GGA1: variants seen among roughly 807,000 people sequenced by gnomAD.
The protein encoded by GGA1 is golgi associated, gamma adaptin ear containing, ARF binding protein 1, also known as ADP-ribosylation factor-binding protein GGA1.
GGA1 carries 18 observed loss-of-function variants against 76.9 expected under a neutral mutation model. That is an observed-to-expected ratio of 0.23 (90% CI 0.16 to 0.35). The LOEUF is 0.35. Among genes scored for constraint, GGA1 ranks in the 10% least tolerant of loss-of-function variants. GGA1 has a pLI of 1.00. For synonymous variants in GGA1, 342 were observed against 354.7 expected, an observed-to-expected ratio of 0.96 and a Z score of 0.40; for missense variants, 755 against 859.0, an observed-to-expected ratio of 0.88 and a Z score of 1.51.
At chr22:37,621,839 AC>A in intron 7 of GGA1, 143 bp downstream of exon 7, 1 of 554,854 alleles carries the variant, frequency 1.8e-6, no homozygotes, top group Non-Finnish European at 3.2e-6. Flanking sequence ...ATGCTGGGGG[AC>A]CAGGGTGTGC....
At position 37,631,110 on chromosome 22, in the gene GGA1, C is replaced by G. The variant is rs1401439523; in HGVS notation, c.1528+11C>G. ...AGTCCATCAAACCCAGTGAGTAGGGCTGGGGCAGGTGCAGGCTGGGTTGGG... is the reference window on the plus strand; with the variant it reads ...AGTCCATCAAACCCAGTGAGTAGGGGTGGGGCAGGTGCAGGCTGGGTTGGG... On this transcript the variant is annotated intron_variant, in intron 14 of 16. Transcript: ENST00000343632. 2.6e-6 allele frequency: 4 copies of G among 1,547,876 alleles called. No homozygotes were observed. Among genetic ancestry groups the G allele is most frequent in the Admixed American group, 4.2e-5 (2 of 47,600 alleles).
chr22:37,609,080 C>G (rs956384658), intron 1 of GGA1, 177 bp downstream of exon 1: 6 of 1,491,340 alleles, frequency 4.0e-6, no homozygotes, highest in Admixed American at 4.4e-5. Flanking sequence ...GGACCCCGGC[C>G]CCGGCGCGGT....
chr22:37,630,726 C>G, intron 13 of GGA1, 177 bp from the exon 14 acceptor site: 1 of 581,058 alleles, frequency 1.7e-6, no homozygotes, highest in South Asian at 2.1e-5. Context: ...GCTACCACGC[C>G]CAGCTAGTTT....
chr22:37,628,728 C>G (rs1454229608), intron 11 of GGA1, among the ~76,000 whole-genome samples: 1 of 152,242 alleles, frequency 6.6e-6, no homozygotes, highest in East Asian at 1.9e-4. Flanking sequence ...TGTCAGGTAG[C>G]ACTTCGGTTT....
chr22:37,625,088 G>A lies in GGA1; in HGVS notation c.940+12G>A, dbSNP rs1190762521. ...CGGCTCCATCCCTGGTGAGGAGGTG[G>A]CAGGAGAGCTGGGAGGGCACCCATC... On this transcript the variant is annotated intron_variant, in intron 10 of 16. Coordinates refer to ENST00000343632, the MANE Select transcript of GGA1 (RefSeq NM_013365.5). The surrounding 1 kb of genome is among the most constrained non-coding windows in gnomAD (Gnocchi z 4.1). The A allele has an allele frequency of 6.3e-7, 1 of 1,575,638 alleles. No individual in the cohort carries two copies.
At chr22:37,621,043 G>C in intron 6 of GGA1, 130 bp downstream of exon 6, 1 of 682,910 alleles carries the variant, frequency 1.5e-6, no homozygotes, top group South Asian at 1.6e-5. Flanking sequence ...CGTTGTAGAT[G>C]ATGGGCGCTG....
At position 37,632,085 on chromosome 22, in the gene GGA1, G is replaced by C. The variant is rs764151001; in HGVS notation, c.1618G>C (p.Val540Leu). 1 of 1,613,658 alleles carries C rather than the reference G, an allele frequency of 6.2e-7. No homozygotes were observed. Among genetic ancestry groups the C allele is most frequent in the East Asian group, 2.2e-5 (1 of 44,892 alleles). Residue 540 changes from valine (V) to leucine (L), a missense_variant, in exon 15 of 17, where the codon GTG becomes CTG. Val to Leu is a conservative substitution (Grantham distance 32, BLOSUM62 1). Transcript: ENST00000343632. The surrounding 1 kb of genome is among the most constrained non-coding windows in gnomAD (Gnocchi z 5.1). ...ARDPLPGRSD[V>L]LVVVVSMLST... ...GGACCCACTGCCAGGGCGCTCCGAC[G>C]TGCTGGTGGTGGTGGTTTCCATGCT...
At chr22:37,626,001 A>G in intron 11 of GGA1, 52 bp downstream of exon 11, 1 of 1,455,298 alleles carries the variant, frequency 6.9e-7, no homozygotes, top group Non-Finnish European at 9.3e-7. Flanking sequence ...CAGATGGGGC[A>G]TGATCCCAGG....
rs748847494 is a variant in GGA1, at chr22:37,619,811, G to A, written c.304-427G>A. 85 of 778,374 alleles carry A rather than the reference G, an allele frequency of 1.1e-4. 2 individuals are homozygous for A. Among genetic ancestry groups the A allele is most frequent in the South Asian group, 1.1e-3 (81 of 74,258 alleles). 48.2% of individuals were successfully genotyped at this position (778,374 alleles called of 1,614,324 possible). The stretch of plus-strand genomic sequence containing the variant: ...TCTCCTCCCAACAGGGGACTCTGCT[G>A]TGAGAGCCACTTTCCCCAGCCCAGT... On this transcript the variant is annotated intron_variant, in intron 4 of 16. Coordinates refer to ENST00000343632, the MANE Select transcript of GGA1 (RefSeq NM_013365.5).
chr22:37,620,853 C>A lies in GGA1; in HGVS notation c.468C>A (p.Thr156=). 6.2e-7 allele frequency: 1 copy of A among 1,612,850 alleles called. No individual in the cohort carries two copies. Among genetic ancestry groups the A allele is most frequent in the Non-Finnish European group, 8.5e-7 (1 of 1,178,814 alleles). The change falls in exon 6 of 17, where the codon ACC becomes ACA. Residue 156 remains threonine (T), a synonymous_variant. Transcript: ENST00000343632. ...KSDPKLPDDT[T]FPLPPPRPKN... The stretch of plus-strand genomic sequence containing the variant: ...ACCCCAAGCTTCCAGATGACACTAC[C>A]TTTCCCCTTCCTCCTCCACGGCCGA...
At chr22:37,617,060 C>G in intron 3 of GGA1, 63 bp downstream of exon 3, 1 of 1,556,594 alleles carries the variant, frequency 6.4e-7, no homozygotes, top group Non-Finnish European at 8.7e-7. Flanking sequence ...GAGGCCAAGA[C>G]TGAGGTTCTT....
chr22:37,622,154 T>C (rs1460678129), intron 7 of GGA1, among the ~76,000 whole-genome samples: 4 of 150,876 alleles, frequency 2.7e-5, no homozygotes, highest in South Asian at 2.1e-4. Context: ...TCATGGCTCA[T>C]TGCAGCCTCA....
chr22:37,619,637 A>G (rs1252895152), intron 4 of GGA1, among the ~76,000 whole-genome samples: 1 of 152,204 alleles, frequency 6.6e-6, no homozygotes, highest in East Asian at 1.9e-4. Flanking sequence ...TGGCCTCCCA[A>G]AGTGCTGGGA....
intron 3 of GGA1, 56 bp downstream of exon 3, chr22:37,617,053 G>T: frequency 6.4e-7 from 1 of 1,559,706 alleles, no homozygotes; most frequent in East Asian, 2.4e-5. Flanking sequence ...ACCAAGGGAG[G>T]CCAAGACTGA....
In GGA1 at chr22:37,630,163, G is replaced by C. The variant is rs774134872; in HGVS notation, c.1324G>C (p.Val442Leu). 1.0e-5 allele frequency: 16 copies of C among 1,579,988 alleles called. No individual in the cohort carries two copies. Among genetic ancestry groups the C allele is most frequent in the Non-Finnish European group, 1.7e-6 (2 of 1,164,998 alleles). ...GTCGCTGCCCCCGGAATCCCAGCAA[G>C]TGCGGTGGTGAGGGCCCACCATGGC... is the stretch of plus-strand genomic sequence containing the variant. ...QQSLPPESQQVRWEKQQPTPR... is the reference protein window; with the variant it reads ...QQSLPPESQQLRWEKQQPTPR... The change falls in exon 13 of 17, where the codon GTG becomes CTG. Residue 442 changes from valine to leucine, a missense_variant. Transcript: ENST00000343632.
intron 4 of GGA1, 24 bp from the exon 5 acceptor site, chr22:37,620,214 G>C (rs1202972599): frequency 1.9e-6 from 3 of 1,613,276 alleles, no homozygotes; most frequent in Middle Eastern, 1.7e-4. Context: ...CAGTATCAAA[G>C]GCCTCCCCAC....
chr22:37,620,404 C>A, intron 5 of GGA1, 43 bp downstream of exon 5: 1 of 1,608,466 alleles, frequency 6.2e-7, no homozygotes, highest in Non-Finnish European at 8.5e-7. Context: ...GCCTGCCTTC[C>A]CCTCCCCCAC....
intron 1 of GGA1, among the ~76,000 whole-genome samples, chr22:37,611,130 ACTCG>A (rs2145867920): frequency 6.6e-6 from 1 of 151,854 alleles, no homozygotes; most frequent in Admixed American, 6.6e-5. Context: ...TTGTTTGGGG[ACTCG>A]GAGGCAGAGT....
chr22:37,628,658 C>T (rs1365396684), intron 11 of GGA1, among the ~76,000 whole-genome samples: 2 of 152,226 alleles, frequency 1.3e-5, no homozygotes, highest in East Asian at 1.9e-4. Context: ...TCTCTGGCCT[C>T]TAAGAAGTGC....
Sources: allele counts gnomAD v4.1 joint callset (sites outside exome capture counted in the v4.1 genomes callset), GRCh38; gene constraint gnomAD v4.1.1; non-coding constraint Gnocchi (gnomAD v3.1); transcripts MANE v1.5; gene names NCBI Gene and HGNC (gene_info 2026-07-23, HGNC 2026-07-21).